FGF13: variants seen among roughly 807,000 people sequenced by gnomAD.
FGF13 encodes fibroblast growth factor 13.
In FGF13, 2 loss-of-function variants were observed where a neutral mutation model predicts 19.5. The observed-to-expected ratio is 0.10, with a 90% confidence interval of 0.04 to 0.32. FGF13 has a LOEUF of 0.32. FGF13 is among the 10% of genes least tolerant of loss of function. The pLI, the probability that FGF13 is intolerant of heterozygous loss-of-function variation, is 1.00. For synonymous variants in FGF13, 72 were observed against 76.9 expected, an observed-to-expected ratio of 0.94 and a Z score of 0.33; for missense variants, 113 against 192.7, an observed-to-expected ratio of 0.59 and a Z score of 2.45.
chrX:138,794,531 C>T (rs1034558225), intron 3 of FGF13, among the ~76,000 whole-genome samples: 2 of 111,737 alleles, frequency 1.8e-5, no homozygotes, highest in Admixed American at 9.5e-5. Flanking sequence ...AGTTAACAGG[C>T]CTTACCTCCA....
chrX:139,094,643 A>C (rs1166415053), intron 1 of FGF13, among the ~76,000 whole-genome samples: 1 of 112,734 alleles, frequency 8.9e-6, no homozygotes, highest in Admixed American at 9.4e-5. Flanking sequence ...TCAGTCTTCA[A>C]GGCACTTAAG....
chrX:138,807,932 T>G (rs1351279008), intron 3 of FGF13, among the ~76,000 whole-genome samples: 13 of 111,429 alleles, frequency 1.2e-4, no homozygotes, highest in Admixed American at 7.6e-4. Context: ...AGCACCCAGA[T>G]TCATAAAGCA....
chrX:138,949,796 G>A (rs1026645309), intron 1 of FGF13, among the ~76,000 whole-genome samples: 1 of 111,879 alleles, frequency 8.9e-6, no homozygotes, highest in Admixed American at 9.5e-5. Flanking sequence ...AAGAAAAGAG[G>A]TAAGGGTATA....
At chrX:138,839,270 G>C (rs2091133368) in intron 3 of FGF13, among the ~76,000 whole-genome samples, 1 of 110,911 alleles carries the variant, frequency 9.0e-6, no homozygotes, top group South Asian at 3.9e-4. Context: ...CCATCTCCCA[G>C]AATGGTAAGC....
At chrX:139,051,457 T>C (rs2092303060) in intron 1 of FGF13, among the ~76,000 whole-genome samples, 2 of 111,722 alleles carry the variant, frequency 1.8e-5, no homozygotes, top group Admixed American at 1.9e-4. Flanking sequence ...CCCCTATATA[T>C]AGACCAGTGG....
intron 1 of FGF13, among the ~76,000 whole-genome samples, chrX:139,164,927 G>A (rs2084068886): frequency 9.0e-6 from 1 of 110,524 alleles, no homozygotes; most frequent in African/African-American, 3.3e-5. Context: ...GAATTTATAG[G>A]AGCAAGTTTA....
intron 1 of FGF13, among the ~76,000 whole-genome samples, chrX:139,003,415 A>T (rs187982386): frequency 3.3e-4 from 37 of 111,726 alleles, no homozygotes; most frequent in Non-Finnish European, 6.4e-4. Flanking sequence ...AGAGCGAAAG[A>T]ACAAAGCCTC....
At chrX:138,754,972 C>A (rs917493484) in intron 3 of FGF13, among the ~76,000 whole-genome samples, 3 of 111,799 alleles carry the variant, frequency 2.7e-5, no homozygotes, top group Non-Finnish European at 5.6e-5. Flanking sequence ...ATGCACCTTT[C>A]CCCTTTGTTA....
chrX:138,919,986 G>T (rs191174624), intron 1 of FGF13, among the ~76,000 whole-genome samples: 3 of 110,858 alleles, frequency 2.7e-5, no homozygotes, highest in Non-Finnish European at 5.7e-5. Flanking sequence ...CTGTGTATTT[G>T]TTTGCAATCT....
intron 1 of FGF13, among the ~76,000 whole-genome samples, chrX:138,984,620 G>A (rs1472887834): frequency 1.5e-5 from 1 of 68,076 alleles, no homozygotes; most frequent in Non-Finnish European, 2.8e-5. Flanking sequence ...AGGAGGATGA[G>A]GAAGAGGAGG....
intron 1 of FGF13, among the ~76,000 whole-genome samples, chrX:138,923,686 T>C (rs909426051): frequency 4.5e-5 from 5 of 112,000 alleles, no homozygotes; most frequent in Non-Finnish European, 3.8e-5. Context: ...CATTCCTATA[T>C]GTCTCCTCCT....
rs2089010900 is a variant in FGF13 at position 138,620,960 on chromosome X, A to G, written c.*11890T>C. Reference sequence around the variant, plus strand: ...AATTTTGAATATATACACACCCAACATTGGATCACCTAAATATATAAAGCA... The same window carrying G: ...AATTTTGAATATATACACACCCAACGTTGGATCACCTAAATATATAAAGCA... On this transcript the variant is annotated 3_prime_UTR_variant, in exon 5 of 5. Transcript: ENST00000315930. 8.9e-6 allele frequency: 1 copy of G among 111,965 alleles called. No individual in the cohort carries two copies. Among genetic ancestry groups the G allele is most frequent in the Admixed American group, 9.5e-5 (1 of 10,514 alleles). The allele number at this position is 111,965 out of a possible 1,213,427, so 9.2% of individuals were successfully genotyped here.
chrX:138,834,959 A>G (rs1221508830), intron 3 of FGF13, among the ~76,000 whole-genome samples: 2 of 111,783 alleles, frequency 1.8e-5, no homozygotes, highest in Non-Finnish European at 3.8e-5. Context: ...CCATGTAATT[A>G]TATGGTTTTC....
intron 1 of FGF13, among the ~76,000 whole-genome samples, chrX:138,892,295 A>T (rs2091482092): frequency 9.0e-6 from 1 of 111,650 alleles, no homozygotes. Flanking sequence ...AAATGGGCAA[A>T]TGGATAACAC....
rs189035310 is a variant in FGF13, at chrX:139,016,609, G to A, written c.-112-151959C>T. Among the ~76,000 whole-genome samples the A allele has an allele frequency of 3.6e-5, 4 of 112,227 alleles. No homozygotes were observed. The East Asian group carries it at 1.1e-3, about 32-fold the overall frequency. On this transcript the variant is annotated intron_variant, in intron 1 of 2. Coordinates refer to the FGF13 transcript ENST00000421460. ...GGAGGAAAGTAAGGCAGCTGGACTC[G>A]GGAGGTCTCCCAAGCATAACTAGAA...
At position 139,080,940 on chromosome X, in the gene FGF13, A is replaced by C. The variant is rs1337134620; in HGVS notation, c.-113+122476T>G. On this transcript the variant is annotated intron_variant, in intron 1 of 2. Transcript: ENST00000421460. ...CCTCTCATGTCTATACCACTGCATC[A>C]TCCTCATCACATTACAATAACTCCC... 3.6e-5 allele frequency among the ~76,000 whole-genome samples: 4 copies of C among 111,122 alleles called. No homozygotes were observed. The Admixed American group carries it at 3.8e-4, about 11-fold the overall frequency.
At chrX:139,034,747 C>A in intron 1 of FGF13, among the ~76,000 whole-genome samples, 1 of 111,762 alleles carries the variant, frequency 8.9e-6, no homozygotes, top group South Asian at 3.7e-4. Context: ...TAGAAGTCTT[C>A]TAAGGATAGA....
chrX:139,127,493 T>C (rs1265226647), intron 1 of FGF13, among the ~76,000 whole-genome samples: 1 of 111,758 alleles, frequency 8.9e-6, no homozygotes, highest in East Asian at 2.8e-4. Flanking sequence ...GTTGTACAAA[T>C]GGAAGAGGAC....
chrX:138,816,348 C>T (rs1340334999), intron 3 of FGF13, among the ~76,000 whole-genome samples: 1 of 111,933 alleles, frequency 8.9e-6, no homozygotes, highest in Non-Finnish European at 1.9e-5. Flanking sequence ...GTAGGTGAGG[C>T]TGTGAAGAAA....
Sources: gnomAD v4.1 joint callset for allele counts (sites outside exome capture counted in the v4.1 genomes callset) on GRCh38, gnomAD v4.1.1 for gene constraint, MANE v1.5 for transcripts, NCBI Gene and HGNC (gene_info 2026-07-23, HGNC 2026-07-21) for gene names.